FGF14: variants seen among roughly 807,000 people sequenced by gnomAD.
FGF14 encodes fibroblast growth factor homologous factor 4.
In FGF14, 5 loss-of-function variants were observed where a neutral mutation model predicts 25.5. The ratio of observed to expected loss-of-function variants is 0.20; its 90% confidence interval spans 0.10 to 0.41. FGF14 has a LOEUF of 0.41. FGF14 is among the 10% of genes least tolerant of loss of function. The pLI is 1.00. For synonymous variants in FGF14, 138 were observed against 118.3 expected (o/e 1.17, Z -1.08); for missense variants, 222 against 320.1 (o/e 0.69, Z 2.34).
chr13:102,094,069 A>C (rs1294054800), intron 1 of FGF14, among the ~76,000 whole-genome samples: 1 of 144,870 alleles, frequency 6.9e-6, no homozygotes, highest in Non-Finnish European at 1.5e-5. Context: ...AAGCTAAAAA[A>C]GGAAGGAGAG....
At chr13:102,016,297 A>G (rs2040341493) in intron 1 of FGF14, among the ~76,000 whole-genome samples, 1 of 152,154 alleles carries the variant, frequency 6.6e-6, no homozygotes. Flanking sequence ...ATAAATTTTA[A>G]CTAACCTGCT....
At chr13:102,253,680 T>A (rs149104238) in intron 1 of FGF14, among the ~76,000 whole-genome samples, 213 of 152,334 alleles carry the variant, frequency 1.4e-3, no homozygotes, top group African/African-American at 5.0e-3. Context: ...TAAGATCCCA[T>A]GTGTCTATTT....
chr13:102,383,907 CA>C (rs1251255153), intron 1 of FGF14, among the ~76,000 whole-genome samples: 2 of 152,046 alleles, frequency 1.3e-5, no homozygotes, highest in Non-Finnish European at 2.9e-5. Flanking sequence ...AAAAATGTTA[CA>C]AAAAATTTTA....
chr13:101,921,610 G>A (rs1264568678), upstream of FGF14, among the ~76,000 whole-genome samples: 1 of 152,160 alleles, frequency 6.6e-6, no homozygotes, highest in Non-Finnish European at 1.5e-5. Context: ...TCTTTTGGGT[G>A]ATTATACTAC....
chr13:102,133,429 A>G (rs1265632123), intron 1 of FGF14, among the ~76,000 whole-genome samples: 1 of 152,224 alleles, frequency 6.6e-6, no homozygotes, highest in Non-Finnish European at 1.5e-5. Flanking sequence ...TCAGTTCTCT[A>G]TAACATGTGT....
At chr13:101,769,702 T>A (rs1412652035) in intron 3 of FGF14, among the ~76,000 whole-genome samples, 1 of 152,076 alleles carries the variant, frequency 6.6e-6, no homozygotes, top group Non-Finnish European at 1.5e-5. Context: ...AAGGAGCCAA[T>A]CTTAAAAGCC....
intron 1 of FGF14, among the ~76,000 whole-genome samples, chr13:102,352,685 G>A (rs956217458): frequency 6.6e-6 from 1 of 152,042 alleles, no homozygotes; most frequent in African/African-American, 2.4e-5. Context: ...GGTGGTGGGC[G>A]CCTGTAGTCC....
At chr13:101,900,599 T>C (rs1448324076) in intron 1 of FGF14, among the ~76,000 whole-genome samples, 66 of 152,074 alleles carry the variant, frequency 4.3e-4, no homozygotes, top group Non-Finnish European at 5.9e-5. Context: ...CATAACATCA[T>C]TGATATATAG....
Position 101,792,835 on chromosome 13 carries a change from A to G in FGF14, c.409-66025T>C, listed in dbSNP as rs9585781. Among the ~76,000 whole-genome samples the G allele has an allele frequency of 2.5e-3, 382 of 152,232 alleles. 2 individuals carry two copies. The highest frequency in any genetic ancestry group is 8.9e-3 in the African/African-American group (370 of 41,552). On this transcript the variant is annotated intron_variant, in intron 3 of 4. Transcript: ENST00000376143. ...GGAACAATCAGTTGGAGCTGAGTAG[A>G]ACCTGGCTATTTTCATTTTTTAAAA...
rs191402527 is a variant in FGF14, at chr13:102,096,495, A to G, written c.209-221199T>C. ...AAACTTAGGAAAACTGATAAGAACA[A>G]GTAACATTCACTGAAAACTTAATAT... On this transcript the variant is annotated intron_variant, in intron 1 of 4. Coordinates refer to the FGF14 transcript ENST00000376131. Among the ~76,000 whole-genome samples the G allele has an allele frequency of 3.5e-3, 526 of 152,314 alleles. 2 individuals are homozygous for G. Among genetic ancestry groups the G allele is most frequent in the African/African-American group, 0.012 (487 of 41,568 alleles).
chr13:101,979,842 A>AT (rs1283382862), intron 1 of FGF14, among the ~76,000 whole-genome samples: 3 of 152,192 alleles, frequency 2.0e-5, no homozygotes, highest in Admixed American at 6.5e-5. Context: ...CAATGTAGAA[A>AT]TTCACTTTGA....
chr13:102,090,015 C>T (rs946980156), intron 1 of FGF14, among the ~76,000 whole-genome samples: 1 of 152,098 alleles, frequency 6.6e-6, no homozygotes, highest in African/African-American at 2.4e-5. Context: ...TGGCAACAGA[C>T]CCTGTTGAAT....
intron 1 of FGF14, among the ~76,000 whole-genome samples, chr13:102,139,602 G>T (rs76723319): frequency 1.3e-5 from 2 of 152,204 alleles, no homozygotes; most frequent in African/African-American, 4.8e-5. Context: ...GTGGAGGGGG[G>T]GATGGCATGG....
At chr13:101,966,045 A>T (rs984686316) in intron 1 of FGF14, among the ~76,000 whole-genome samples, 2 of 152,198 alleles carry the variant, frequency 1.3e-5, no homozygotes, top group Non-Finnish European at 2.9e-5. Flanking sequence ...ATATCCAACA[A>T]CAGAATTAAG....
chr13:102,041,625 T>TA (rs2041748788), intron 1 of FGF14, among the ~76,000 whole-genome samples: 1 of 151,840 alleles, frequency 6.6e-6, no homozygotes, highest in South Asian at 2.1e-4. Flanking sequence ...ATGTTTCCTT[T>TA]ACTTGAACTA....
intron 1 of FGF14, among the ~76,000 whole-genome samples, chr13:101,981,240 A>G (rs1370652917): frequency 4.6e-5 from 7 of 151,866 alleles, no homozygotes; most frequent in Admixed American, 4.6e-4. Flanking sequence ...AGATTGCGTC[A>G]TTGCACTCCA....
intron 1 of FGF14, among the ~76,000 whole-genome samples, chr13:101,994,151 A>G (rs184260834): frequency 1.2e-3 from 183 of 152,144 alleles, no homozygotes; most frequent in African/African-American, 4.3e-3. Flanking sequence ...GTGTGTATGT[A>G]CATGTGTTTA....
intron 1 of FGF14, among the ~76,000 whole-genome samples, chr13:102,373,940 G>A (rs2057960640): frequency 6.6e-6 from 1 of 152,074 alleles, no homozygotes; most frequent in South Asian, 2.1e-4. Context: ...TGGGACCTGA[G>A]CACTGAGATT....
At chr13:102,068,655 T>C (rs2043010078) in intron 1 of FGF14, among the ~76,000 whole-genome samples, 1 of 152,180 alleles carries the variant, frequency 6.6e-6, no homozygotes, top group African/African-American at 2.4e-5. Context: ...CCCCCAGCAG[T>C]GCCAGCCCAC....
Sources: gnomAD v4.1 joint callset for allele counts (sites outside exome capture counted in the v4.1 genomes callset) on GRCh38, gnomAD v4.1.1 for gene constraint, MANE v1.5 for transcripts, NCBI Gene and HGNC (gene_info 2026-07-23, HGNC 2026-07-21) for gene names.